ROBO1: variants seen among roughly 807,000 people sequenced by gnomAD.
ROBO1 encodes the protein roundabout homolog 1.
Under a neutral mutation model 195.9 loss-of-function variants are expected in ROBO1, and 149 were observed. The ratio of observed to expected loss-of-function variants is 0.76; its 90% CI spans 0.67 to 0.87. The LOEUF (loss-of-function observed/expected upper bound fraction) is 0.87. ROBO1 is among the 40% of genes least tolerant of loss of function. The pLI is 0.00. For synonymous variants in ROBO1, 816 were observed against 733.2 expected, an observed-to-expected ratio of 1.11 and a Z score of -1.82; for missense variants, 1,933 against 2,068.3, an observed-to-expected ratio of 0.93 and a Z score of 1.27.
At chr3:78,667,502 CATTAG>C (rs1224638702) in intron 14 of ROBO1, among the ~76,000 whole-genome samples, 8 of 151,864 alleles carry the variant, frequency 5.3e-5, no homozygotes, top group Non-Finnish European at 8.8e-5. Flanking sequence ...AGATCTTATT[CATTAG>C]ATCTAACTAT....
At chr3:79,505,218 T>A (rs1031147097) in intron 2 of ROBO1, among the ~76,000 whole-genome samples, 1 of 151,976 alleles carries the variant, frequency 6.6e-6, no homozygotes. Context: ...TCTATATATT[T>A]TTTTTTTCTT....
intron 8 of ROBO1, among the ~76,000 whole-genome samples, chr3:78,703,616 G>A (rs1404379485): frequency 2.0e-5 from 3 of 152,006 alleles, no homozygotes; most frequent in East Asian, 1.9e-4. Flanking sequence ...AGGATGAGGA[G>A]GAGAAGGAGA....
At chr3:78,724,359 T>C (rs770689302) in intron 5 of ROBO1, among the ~76,000 whole-genome samples, 36 of 151,862 alleles carry the variant, frequency 2.4e-4, no homozygotes, top group Non-Finnish European at 3.8e-4. Context: ...CATACCCACT[T>C]TCAAGCAGTG....
intron 4 of ROBO1, among the ~76,000 whole-genome samples, chr3:78,915,562 C>T (rs538952199): frequency 6.6e-6 from 1 of 152,146 alleles, no homozygotes; most frequent in Admixed American, 6.5e-5. Context: ...ATTATTTATA[C>T]CAATTTTTAT....
intron 2 of ROBO1, among the ~76,000 whole-genome samples, chr3:79,328,839 A>G (rs1244796025): frequency 6.6e-6 from 1 of 151,458 alleles, no homozygotes; most frequent in Non-Finnish European, 1.5e-5. Flanking sequence ...CTATTGTATC[A>G]TTCTAATGCC....
At chr3:78,776,325 C>T (rs2083504841) in intron 4 of ROBO1, among the ~76,000 whole-genome samples, 1 of 152,124 alleles carries the variant, frequency 6.6e-6, no homozygotes, top group African/African-American at 2.4e-5. Flanking sequence ...GATCTCGGCC[C>T]ACTGCAACCT....
intron 5 of ROBO1, among the ~76,000 whole-genome samples, chr3:78,718,888 GAGGGAGGGAAGA>G (rs201957227): frequency 0.025 from 3,728 of 148,632 alleles, 79 homozygotes; most frequent in Non-Finnish European, 0.039. Flanking sequence ...GGGAGGGAAG[GAGGGAGGGAAGA>G]AGGGAGGGAA....
intron 2 of ROBO1, among the ~76,000 whole-genome samples, chr3:79,514,350 T>C (rs2107552295): frequency 6.6e-6 from 1 of 152,326 alleles, no homozygotes; most frequent in Middle Eastern, 3.4e-3. Context: ...TTTTACAGCC[T>C]GGATTGCAGT....
At chr3:78,976,550 C>T (rs1423785931) in intron 3 of ROBO1, among the ~76,000 whole-genome samples, 1 of 152,124 alleles carries the variant, frequency 6.6e-6, no homozygotes, top group East Asian at 1.9e-4. Context: ...CAATTCTTAC[C>T]TTTATGGTAC....
At chr3:78,959,539 CTGAG>C (rs1338073618) in intron 3 of ROBO1, among the ~76,000 whole-genome samples, 1 of 152,222 alleles carries the variant, frequency 6.6e-6, no homozygotes, top group East Asian at 1.9e-4. Context: ...CAAATATTTA[CTGAG>C]TAACTATTCT....
At position 78,886,862 on chromosome 3, in the gene ROBO1, G is replaced by A. The variant is rs559878807; in HGVS notation, c.499+51739C>T. Reference sequence around the variant, plus strand: ...GGTAGTATGACTTTGGGAGAGACACGAATGGATAATGATTAAAAAGAGCTC... The same window carrying A: ...GGTAGTATGACTTTGGGAGAGACACAAATGGATAATGATTAAAAAGAGCTC... On this transcript the variant is annotated intron_variant, in intron 4 of 30. Transcript: ENST00000464233. Among the ~76,000 whole-genome samples the A allele has an allele frequency of 1.2e-4, 19 of 152,018 alleles. No homozygotes were observed. In the East Asian group the frequency reaches 3.3e-3, roughly 26 times the overall value.
intron 4 of ROBO1, among the ~76,000 whole-genome samples, chr3:78,936,204 T>C (rs1165673378): frequency 6.6e-6 from 1 of 152,074 alleles, no homozygotes; most frequent in African/African-American, 2.4e-5. Flanking sequence ...GCATTCTATA[T>C]TAATTTTTTT....
At chr3:79,511,745 A>T (rs912492080) in intron 2 of ROBO1, among the ~76,000 whole-genome samples, 1 of 152,162 alleles carries the variant, frequency 6.6e-6, no homozygotes, top group African/African-American at 2.4e-5. Flanking sequence ...CAGCCATAAA[A>T]AAGAACAAGA....
chr3:78,901,260 T>A (rs755280048), intron 4 of ROBO1, among the ~76,000 whole-genome samples: 25 of 152,308 alleles, frequency 1.6e-4, no homozygotes, highest in African/African-American at 5.8e-4. Context: ...ACACAGCAGA[T>A]GCCACACCTG....
At chr3:79,208,158 G>T (rs1370920475) in intron 2 of ROBO1, among the ~76,000 whole-genome samples, 3 of 152,018 alleles carry the variant, frequency 2.0e-5, no homozygotes, top group Non-Finnish European at 4.4e-5. Flanking sequence ...TCTGATAATT[G>T]CCTGTGCCAT....
chr3:78,771,080 C>A (rs2083363131), intron 4 of ROBO1, among the ~76,000 whole-genome samples: 1 of 151,908 alleles, frequency 6.6e-6, no homozygotes, highest in Admixed American at 6.6e-5. Flanking sequence ...AAAAAAAAAT[C>A]TGTAATCCAC....
chr3:78,653,479 A>C (rs758042880), intron 18 of ROBO1, among the ~76,000 whole-genome samples: 7 of 152,154 alleles, frequency 4.6e-5, no homozygotes, highest in Non-Finnish European at 1.0e-4. Context: ...CCTGGGTAAT[A>C]CCTTCAACAG....
chr3:79,042,183 T>G (rs1015677035), intron 3 of ROBO1, among the ~76,000 whole-genome samples: 1 of 152,186 alleles, frequency 6.6e-6, no homozygotes, highest in Admixed American at 6.5e-5. Flanking sequence ...ACACACACAA[T>G]TTATTCATTC....
intron 10 of ROBO1, among the ~76,000 whole-genome samples, chr3:78,675,445 A>T (rs1708354193): frequency 6.6e-6 from 1 of 152,162 alleles, no homozygotes; most frequent in African/African-American, 2.4e-5. Context: ...GCACCTGGAA[A>T]ATCGGGTCAC....
Sources: allele counts gnomAD v4.1 joint callset (sites outside exome capture counted in the v4.1 genomes callset), GRCh38; gene constraint gnomAD v4.1.1; transcripts MANE v1.5; gene names NCBI Gene and HGNC (gene_info 2026-07-23, HGNC 2026-07-21).